Variants in ZBED4 observed in about 807,000 individuals in gnomAD.
The protein encoded by ZBED4 is zinc finger BED-type containing 4.
A neutral mutation model predicts 15.5 loss-of-function variants in ZBED4; 4 were observed. The ratio of observed to expected loss-of-function variants is 0.26; its 90% confidence interval spans 0.13 to 0.59. ZBED4 has a LOEUF of 0.59. ZBED4 is among the 20% of genes least tolerant of loss of function. The pLI is 0.90. For missense variants in ZBED4, 1,323 were observed against 1,461.8 expected (o/e 0.91, Z 1.55); for synonymous variants, 692 against 608.5 (o/e 1.14, Z -2.02).
At chr22:49,868,445 G>C (rs2060331395) in intron 1 of ZBED4, among the ~76,000 whole-genome samples, 1 of 152,120 alleles carries the variant, frequency 6.6e-6, no homozygotes, top group Admixed American at 6.6e-5. Flanking sequence ...ACTGGGTGGT[G>C]GCACACACCT....
rs777389354 is a variant in ZBED4 at position 49,885,724 on chromosome 22, T to A, written c.2062T>A (p.Leu688Met). 24 of 1,606,962 alleles carry A rather than the reference T, an allele frequency of 1.5e-5. No homozygotes were observed. The highest frequency in any genetic ancestry group is 4.4e-5 in the South Asian group (4 of 90,750). ...NVGFNRLLEY[L>M]KPQYSLPAPS... ...TGGCTTTAACAGGCTGCTTGAATAC[T>A]TGAAACCTCAGTACTCCCTCCCCGC... is the stretch of plus-strand genomic sequence containing the variant. The change falls in exon 2 of 2, where the codon TTG (leucine) becomes ATG (methionine). Residue 688 changes from leucine (L) to methionine (M), a missense_variant. Physicochemically the swap from Leu to Met is conservative, Grantham distance 15. Around this residue, in one of 6 missense-constraint regions of ZBED4, gnomAD observed 89 missense variants for 129.8 expected, o/e 0.69. Transcript: ENST00000216268.
intron 1 of ZBED4, among the ~76,000 whole-genome samples, chr22:49,871,576 A>G (rs1388091929): frequency 6.6e-6 from 1 of 152,098 alleles, no homozygotes; most frequent in African/African-American, 2.4e-5. Context: ...CTTGATTTTT[A>G]AAAAGCTTGT....
chr22:49,885,153 G>A lies in ZBED4; in HGVS notation c.1491G>A (p.Leu497=). The A allele has an allele frequency of 6.2e-7, 1 of 1,613,620 alleles. No individual in the cohort carries two copies. The highest frequency in any genetic ancestry group is 1.1e-5 in the South Asian group (1 of 91,060). ...AGGGTGATGTGGGCACCAGCTGCCT[G>A]ATGAGACATCTCTACCGGCGCCATC... is the stretch of plus-strand genomic sequence containing the variant. ...GKKGDVGTSC[L]MRHLYRRHPE... The change falls in exon 2 of 2, where the codon CTG becomes CTA. Residue 497 remains leucine (L), a synonymous_variant. Transcript: ENST00000216268.
At chr22:49,853,221 C>T (rs991789654), upstream of ZBED4, 1 of 152,652 alleles carries the variant, frequency 6.6e-6, no homozygotes, top group African/African-American at 2.4e-5. Flanking sequence ...CGGGCGAGTC[C>T]CGTGCGCTCC....
At position 49,886,527 on chromosome 22, in the gene ZBED4, C is replaced by T; in HGVS notation, c.2865C>T (p.Ser955=). 6.4e-7 allele frequency: 1 copy of T among 1,568,310 alleles called. No individual in the cohort carries two copies. Among genetic ancestry groups the T allele is most frequent in the Non-Finnish European group, 8.6e-7 (1 of 1,156,616 alleles). Residue 955 remains serine (S), a synonymous_variant, in exon 2 of 2, where the codon AGC becomes AGT. Transcript: ENST00000216268. This position sits in a 1 kb window ranked among gnomAD's most constrained non-coding sequence, Gnocchi z 7.7. The stretch of plus-strand genomic sequence containing the variant: ...TGAGCACGCAGATGTCCACCCTCAG[C>T]CAGGTCATCCCCATGGTACACATCC... ...REMSTQMSTL[S]QVIPMVHILN... is the part of the protein sequence containing the mutation.
intron 1 of ZBED4, among the ~76,000 whole-genome samples, chr22:49,861,811 G>T (rs9628158): frequency 1.3e-5 from 2 of 152,164 alleles, no homozygotes; most frequent in Non-Finnish European, 2.9e-5. Flanking sequence ...ATCCTTTGCC[G>T]TGGGATGCCG....
chr22:49,883,871 C>T lies in ZBED4; in HGVS notation c.209C>T (p.Pro70Leu), dbSNP rs1304422362. The T allele has an allele frequency of 6.2e-7, 1 of 1,605,818 alleles. No homozygotes were observed. Among genetic ancestry groups the T allele is most frequent in the Admixed American group, 1.7e-5 (1 of 59,346 alleles). ...GLGGTGCSCKPPGKYLSAESE... is the reference protein window; with the variant it reads ...GLGGTGCSCKLPGKYLSAESE... ...GGTGGGACGGGTTGCAGCTGCAAGC[C>T]CCCGGGGAAGTACTTGTCTGCAGAG... The change falls in exon 2 of 2, where the codon CCC (proline) becomes CTC (leucine). Residue 70 changes from proline to leucine, a missense_variant. By Grantham distance (98) the Pro-to-Leu change is moderately conservative (BLOSUM62 -3). This residue lies in a region of ZBED4 where 380 missense variants were observed against 413.7 expected (regional missense o/e 0.92). Transcript: ENST00000216268.
chr22:49,867,854 C>T (rs887283690), intron 1 of ZBED4, among the ~76,000 whole-genome samples: 1 of 152,214 alleles, frequency 6.6e-6, no homozygotes, highest in Non-Finnish European at 1.5e-5. Flanking sequence ...ATAGCTTAGT[C>T]CAGCCCCCCT....
intron 1 of ZBED4, among the ~76,000 whole-genome samples, chr22:49,864,509 G>A (rs1408298113): frequency 6.6e-6 from 1 of 152,108 alleles, no homozygotes; most frequent in African/African-American, 2.4e-5. Context: ...CATCAAAGTC[G>A]AAAATGCACT....
chr22:49,865,291 T>C (rs1010785490), intron 1 of ZBED4, among the ~76,000 whole-genome samples: 1 of 152,104 alleles, frequency 6.6e-6, no homozygotes, highest in African/African-American at 2.4e-5. Context: ...ATGTAGCCAC[T>C]GTGGGGTGCG....
chr22:49,868,558 A>C lies in ZBED4; in HGVS notation c.-330+14569A>C, dbSNP rs948859702. On this transcript the variant is annotated intron_variant, in intron 1 of 1. Transcript: ENST00000216268. ...TGTGCCACTGCACTCTAGCCTGGGCAACAGAGCGAGACTGTCTCTTCCAAC... is the reference window on the plus strand; with the variant it reads ...TGTGCCACTGCACTCTAGCCTGGGCCACAGAGCGAGACTGTCTCTTCCAAC... Among the ~76,000 whole-genome samples the C allele has an allele frequency of 3.3e-4, 50 of 152,232 alleles. 1 individual carries two copies. Among genetic ancestry groups the C allele is most frequent in the Admixed American group, 7.2e-4 (11 of 15,288 alleles).
intron 1 of ZBED4, among the ~76,000 whole-genome samples, chr22:49,868,305 C>G (rs1206533499): frequency 1.3e-5 from 2 of 152,180 alleles, no homozygotes; most frequent in Non-Finnish European, 2.9e-5. Context: ...TACTATATTT[C>G]AAATGAATAA....
Position 49,887,164 on chromosome 22 carries a change from T to C in ZBED4, c.3502T>C (p.Tyr1168His), listed in dbSNP as rs1569166468. ...IFLKVNLPLI[Y>H]FQY ...TTTGAAAGTGAATCTTCCCTTAATA[T>C]ACTTTCAGTATTGAAACTCACGACG... Residue 1168 changes from tyrosine (Y) to histidine (H), a missense_variant, in exon 2 of 2, where the codon TAC becomes CAC. Physicochemically the swap from Tyr to His is moderately conservative, Grantham distance 83. This residue lies in a region of ZBED4 where 312 missense variants were observed against 410.7 expected (regional missense o/e 0.76). Coordinates refer to ENST00000216268, the MANE Select transcript of ZBED4 (RefSeq NM_014838.3). 4 of 1,610,470 alleles carry C rather than the reference T, an allele frequency of 2.5e-6. No individual in the cohort carries two copies. The highest frequency in any genetic ancestry group is 3.4e-6 in the Non-Finnish European group (4 of 1,177,742).
At chr22:49,873,797 A>G (rs2072129834) in intron 1 of ZBED4, among the ~76,000 whole-genome samples, 1 of 152,330 alleles carries the variant, frequency 6.6e-6, no homozygotes, top group Admixed American at 6.5e-5. Flanking sequence ...GTCTGTTTTG[A>G]AGAGAGAACA....
Position 49,885,798 on chromosome 22 carries a change from G to A in ZBED4, c.2136G>A (p.Val712=). The change falls in exon 2 of 2, where the codon GTG becomes GTA. Residue 712 remains valine, a synonymous_variant. Transcript: ENST00000216268. ...CTATCCCAGGTATGTATGATAATGTGAAGCAGATAATTATGTCCCACCTTA... is the reference window on the plus strand; with the variant it reads ...CTATCCCAGGTATGTATGATAATGTAAAGCAGATAATTATGTCCCACCTTA... ...RTAIPGMYDN[V]KQIIMSHLKE... is the part of the protein sequence containing the mutation. 2 of 1,603,248 alleles carry A rather than the reference G, an allele frequency of 1.2e-6. No individual in the cohort carries two copies. The highest frequency in any genetic ancestry group is 8.5e-7 in the Non-Finnish European group (1 of 1,170,824).
At chr22:49,874,200 TC>T (rs2060363329) in intron 1 of ZBED4, among the ~76,000 whole-genome samples, 1 of 152,188 alleles carries the variant, frequency 6.6e-6, no homozygotes, top group African/African-American at 2.4e-5. Flanking sequence ...ACTCACTCTT[TC>T]ACTGATGAGT....
chr22:49,880,910 T>A (rs978105170), intron 1 of ZBED4, among the ~76,000 whole-genome samples: 1 of 152,222 alleles, frequency 6.6e-6, no homozygotes, highest in Admixed American at 6.5e-5. Context: ...CAGCAGTGTT[T>A]TGCAGCTTTC....
chr22:49,887,042 G>A lies in ZBED4; in HGVS notation c.3380G>A (p.Ser1127Asn). The A allele has an allele frequency of 6.2e-7, 1 of 1,614,178 alleles. No individual in the cohort carries two copies. The highest frequency in any genetic ancestry group is 8.5e-7 in the Non-Finnish European group (1 of 1,180,050). Reference sequence around the variant, plus strand: ...GTCAGATTTTTGGGCTGCCCCCCAAGCATCGTCCCTTCAGAAAAGCTGTTC... The same window carrying A: ...GTCAGATTTTTGGGCTGCCCCCCAAACATCGTCCCTTCAGAAAAGCTGTTC... ...LAVRFLGCPP[S>N]IVPSEKLFNT... Residue 1127 changes from serine (S) to asparagine (N), a missense_variant, in exon 2 of 2, where the codon AGC (serine) becomes AAC (asparagine). By Grantham distance (46) the Ser-to-Asn change is conservative. This residue lies in a region of ZBED4 where 312 missense variants were observed against 410.7 expected (regional missense o/e 0.76). Transcript: ENST00000216268.
intron 1 of ZBED4, among the ~76,000 whole-genome samples, chr22:49,879,339 C>G (rs2060395571): frequency 6.6e-6 from 1 of 151,762 alleles, no homozygotes; most frequent in Non-Finnish European, 1.5e-5. Flanking sequence ...ATTGGCCAAG[C>G]TGGTCTCAAC....
Sources: allele counts gnomAD v4.1 joint callset (sites outside exome capture counted in the v4.1 genomes callset), GRCh38; gene constraint gnomAD v4.1.1; regional missense constraint gnomAD v4.1.1; non-coding constraint Gnocchi (gnomAD v3.1); transcripts MANE v1.5; gene names NCBI Gene and HGNC (gene_info 2026-07-23, HGNC 2026-07-21).